GRK5: variants seen among roughly 807,000 people sequenced by gnomAD.
GRK5 encodes G protein-coupled receptor kinase 5.
A neutral mutation model predicts 78.4 loss-of-function variants in GRK5; 40 were observed. The observed-to-expected ratio is 0.51, with a 90% CI of 0.40 to 0.66. The LOEUF is 0.66. GRK5 is among the 30% of genes least tolerant of loss of function. The pLI is 0.00. For synonymous variants in GRK5, 289 were observed against 296.8 expected (o/e 0.97, Z 0.27); for missense variants, 598 against 759.9 (o/e 0.79, Z 2.50).
chr10:119,365,302 T>C (rs901501343), intron 2 of GRK5, among the ~76,000 whole-genome samples: 1 of 152,244 alleles, frequency 6.6e-6, no homozygotes, highest in African/African-American at 2.4e-5. Context: ...TTTACTTAGA[T>C]AAAAATGAAA....
chr10:119,261,104 G>C (rs1478725582), intron 1 of GRK5, among the ~76,000 whole-genome samples: 2 of 139,750 alleles, frequency 1.4e-5, no homozygotes, highest in Admixed American at 1.4e-4. Flanking sequence ...TCCCAGACTG[G>C]GTGGCTGCCG....
At chr10:119,294,986 C>T (rs1464927371) in intron 1 of GRK5, among the ~76,000 whole-genome samples, 4 of 151,896 alleles carry the variant, frequency 2.6e-5, no homozygotes, top group Non-Finnish European at 2.9e-5. Context: ...GTCAGGAGAT[C>T]GAGACCATCC....
chr10:119,341,715 C>A (rs1850984040), intron 2 of GRK5, among the ~76,000 whole-genome samples: 1 of 152,128 alleles, frequency 6.6e-6, no homozygotes, highest in Non-Finnish European at 1.5e-5. Context: ...TGAGTGTCTA[C>A]CCTGTACCAG....
At chr10:119,240,550 A>G (rs1004875516) in intron 1 of GRK5, among the ~76,000 whole-genome samples, 2 of 151,776 alleles carry the variant, frequency 1.3e-5, no homozygotes, top group African/African-American at 4.8e-5. Context: ...GATGGCATCT[A>G]TTGTGTTTTT....
At chr10:119,366,427 G>A (rs1353367958) in intron 2 of GRK5, among the ~76,000 whole-genome samples, 3 of 152,212 alleles carry the variant, frequency 2.0e-5, no homozygotes, top group Non-Finnish European at 2.9e-5. Flanking sequence ...GATAGCCAGC[G>A]AAGGTGTGAG....
At chr10:119,324,346 G>A (rs568875163) in intron 1 of GRK5, among the ~76,000 whole-genome samples, 2 of 152,304 alleles carry the variant, frequency 1.3e-5, no homozygotes, top group Admixed American at 1.3e-4. Flanking sequence ...GTTCCTGCCG[G>A]CCAGGTGCAG....
At chr10:119,261,335 T>C (rs1171897629) in intron 1 of GRK5, among the ~76,000 whole-genome samples, 3 of 130,570 alleles carry the variant, frequency 2.3e-5, no homozygotes, top group Admixed American at 7.8e-5. Flanking sequence ...ACTTCCTAGA[T>C]GGGATGGCGG....
intron 2 of GRK5, among the ~76,000 whole-genome samples, chr10:119,370,677 G>A (rs549082580): frequency 6.6e-6 from 1 of 152,256 alleles, no homozygotes; most frequent in Admixed American, 6.5e-5. Flanking sequence ...ACGCCCGATT[G>A]TTTTTTCCAG....
At chr10:119,334,592 G>A (rs149393666) in intron 2 of GRK5, 60 of 152,330 alleles carry the variant, frequency 3.9e-4, no homozygotes, top group African/African-American at 1.3e-3. Context: ...ATAAAAGATT[G>A]TTGAGGTCTG....
intron 11 of GRK5, among the ~76,000 whole-genome samples, chr10:119,442,869 C>T (rs1171548905): frequency 1.3e-5 from 2 of 152,026 alleles, no homozygotes; most frequent in African/African-American, 4.8e-5. Flanking sequence ...GAATGCTGAT[C>T]GATGATTGAT....
At chr10:119,359,825 C>T (rs545502574) in intron 2 of GRK5, among the ~76,000 whole-genome samples, 5 of 152,052 alleles carry the variant, frequency 3.3e-5, no homozygotes, top group Non-Finnish European at 5.9e-5. Context: ...GTGATGTTCC[C>T]GGGGGGGAGG....
intron 9 of GRK5, among the ~76,000 whole-genome samples, chr10:119,438,858 G>A (rs1262721462): frequency 6.6e-6 from 1 of 152,232 alleles, no homozygotes; most frequent in Non-Finnish European, 1.5e-5. Flanking sequence ...TGATAAATAA[G>A]GATACACAAA....
chr10:119,304,514 C>T (rs143502794), intron 1 of GRK5, among the ~76,000 whole-genome samples: 12 of 152,228 alleles, frequency 7.9e-5, no homozygotes, highest in African/African-American at 2.6e-4. Flanking sequence ...ATTTCCCCGT[C>T]ATTCCTCACA....
At chr10:119,236,768 T>C (rs1848941042) in intron 1 of GRK5, among the ~76,000 whole-genome samples, 1 of 152,108 alleles carries the variant, frequency 6.6e-6, no homozygotes, top group East Asian at 1.9e-4. Flanking sequence ...GCCTCACAAG[T>C]AGCTGGGCAC....
chr10:119,328,634 C>T (rs949607035), intron 2 of GRK5, among the ~76,000 whole-genome samples: 2 of 152,224 alleles, frequency 1.3e-5, no homozygotes, highest in African/African-American at 4.8e-5. Flanking sequence ...CCCCAGGGAA[C>T]GTCTTGCACT....
chr10:119,268,790 GTGC>G (rs921131071), intron 1 of GRK5, among the ~76,000 whole-genome samples: 4 of 152,248 alleles, frequency 2.6e-5, no homozygotes, highest in Non-Finnish European at 5.9e-5. Context: ...GGTTGGACTG[GTGC>G]TGCCTCTTTA....
At chr10:119,310,179 C>A (rs1204646274) in intron 1 of GRK5, among the ~76,000 whole-genome samples, 1 of 152,078 alleles carries the variant, frequency 6.6e-6, no homozygotes, top group South Asian at 2.1e-4. Flanking sequence ...CTGGGGAGAG[C>A]GGAAGTAATT....
At chr10:119,374,927 G>A (rs1337681670) in intron 2 of GRK5, among the ~76,000 whole-genome samples, 1 of 152,170 alleles carries the variant, frequency 6.6e-6, no homozygotes, top group Non-Finnish European at 1.5e-5. Context: ...AGATGCCAGT[G>A]CTATGCTTCC....
chr10:119,273,573 C>T (rs1849619870), intron 1 of GRK5, among the ~76,000 whole-genome samples: 1 of 152,220 alleles, frequency 6.6e-6, no homozygotes, highest in African/African-American at 2.4e-5. Flanking sequence ...CACCCTCAGG[C>T]CACAAGTGTG....
Sources: gnomAD v4.1 joint callset for allele counts (sites outside exome capture counted in the v4.1 genomes callset) on GRCh38, gnomAD v4.1.1 for gene constraint, MANE v1.5 for transcripts, NCBI Gene and HGNC (gene_info 2026-07-23, HGNC 2026-07-21) for gene names.